NELL2: variants seen among roughly 807,000 people sequenced by gnomAD.
NELL2 encodes the protein neural EGFL like 2, also known as protein kinase C-binding protein NELL2.
In NELL2, 41 loss-of-function variants were observed where a neutral mutation model predicts 109.6. That is an observed-to-expected ratio of 0.37 (90% CI 0.29 to 0.49). The LOEUF (loss-of-function observed/expected upper bound fraction) is 0.49. Ranked by LOEUF, NELL2 falls within the 20% of genes least tolerant of loss-of-function variation. The probability of loss-of-function intolerance (pLI) is 0.98; values close to 1 mark genes in which losing one functional copy is unlikely to be tolerated. For synonymous variants in NELL2, 355 were observed against 344.7 expected, an observed-to-expected ratio of 1.03 and a Z score of -0.33; for missense variants, 900 against 1,008.3, an observed-to-expected ratio of 0.89 and a Z score of 1.45.
At chr12:44,728,196 G>A (rs1939180865) in intron 9 of NELL2, among the ~76,000 whole-genome samples, 2 of 152,064 alleles carry the variant, frequency 1.3e-5, no homozygotes, top group South Asian at 4.1e-4. Context: ...TGCTCAATGA[G>A]CTCAGGAAAC....
At chr12:44,705,465 T>C (rs920147689) in intron 11 of NELL2, among the ~76,000 whole-genome samples, 3 of 152,216 alleles carry the variant, frequency 2.0e-5, no homozygotes, top group African/African-American at 7.2e-5. Flanking sequence ...ACTGTCATGA[T>C]TAAGGCTGTA....
At chr12:44,584,832 CT>C (rs1331759690) in intron 15 of NELL2, among the ~76,000 whole-genome samples, 2 of 152,184 alleles carry the variant, frequency 1.3e-5, no homozygotes, top group Non-Finnish European at 2.9e-5. Context: ...CATTAGCTCT[CT>C]GGTAAATTTC....
chr12:44,518,057 A>G (rs973072665), intron 19 of NELL2, among the ~76,000 whole-genome samples: 3 of 152,222 alleles, frequency 2.0e-5, no homozygotes, highest in African/African-American at 7.2e-5. Flanking sequence ...GCATATTTTT[A>G]TGACTCATAT....
At chr12:44,814,106 G>A (rs1476679394) in intron 3 of NELL2, among the ~76,000 whole-genome samples, 5 of 152,174 alleles carry the variant, frequency 3.3e-5, no homozygotes, top group Admixed American at 2.0e-4. Flanking sequence ...TCACAGTTGA[G>A]GGAAACAGAC....
chr12:44,704,675 T>C (rs1937756631), intron 11 of NELL2, among the ~76,000 whole-genome samples: 1 of 152,178 alleles, frequency 6.6e-6, no homozygotes, highest in South Asian at 2.1e-4. Flanking sequence ...TGATGTATGC[T>C]ATCTATCTAG....
At chr12:44,785,061 G>A (rs1011970709) in intron 3 of NELL2, among the ~76,000 whole-genome samples, 1 of 152,156 alleles carries the variant, frequency 6.6e-6, no homozygotes, top group South Asian at 2.1e-4. Flanking sequence ...GAAATAAAGT[G>A]TATTCAAATA....
intron 3 of NELL2, among the ~76,000 whole-genome samples, chr12:44,785,460 A>C (rs538960944): frequency 8.6e-4 from 131 of 152,320 alleles, no homozygotes; most frequent in Non-Finnish European, 1.2e-3. Context: ...GCCCAAAGTA[A>C]TGTATAGATT....
At chr12:44,764,481 T>C (rs1941250522) in intron 9 of NELL2, among the ~76,000 whole-genome samples, 1 of 152,232 alleles carries the variant, frequency 6.6e-6, no homozygotes, top group African/African-American at 2.4e-5. Flanking sequence ...TATAAAATCA[T>C]ATTTCCTAAG....
At chr12:44,695,280 G>C (rs1748187779) in intron 12 of NELL2, among the ~76,000 whole-genome samples, 1 of 139,402 alleles carries the variant, frequency 7.2e-6, no homozygotes, top group Non-Finnish European at 1.5e-5. Context: ...ATCAGAGCGA[G>C]ACTCCGTCTC....
chr12:44,801,406 T>G (rs116006826), intron 3 of NELL2, among the ~76,000 whole-genome samples: 2 of 152,080 alleles, frequency 1.3e-5, no homozygotes, highest in African/African-American at 4.8e-5. Flanking sequence ...CAAACCACTA[T>G]AGAACAATAG....
intron 13 of NELL2, among the ~76,000 whole-genome samples, chr12:44,659,925 T>C (rs191677993): frequency 3.1e-4 from 47 of 152,248 alleles, no homozygotes; most frequent in African/African-American, 1.1e-3. Flanking sequence ...AGAAAGTATA[T>C]GGAGCATGCA....
chr12:44,749,391 C>T (rs1057356519), intron 9 of NELL2, among the ~76,000 whole-genome samples: 2 of 152,016 alleles, frequency 1.3e-5, no homozygotes, highest in Non-Finnish European at 2.9e-5. Context: ...TATTATTTTT[C>T]CTAATTCTAT....
intron 9 of NELL2, among the ~76,000 whole-genome samples, chr12:44,770,655 C>T (rs1046090186): frequency 1.3e-5 from 2 of 152,142 alleles, no homozygotes; most frequent in African/African-American, 4.8e-5. Context: ...TGTATTTATT[C>T]ATATAATTCT....
At chr12:44,921,805 T>C (rs1315909929) in exon 1 of NELL2, 1 of 151,708 alleles carries the variant, frequency 6.6e-6, no homozygotes, top group Non-Finnish European at 1.5e-5. Context: ...CAGAGAGTAC[T>C]TCTGCCTTTG....
At chr12:44,512,754 G>A (rs1380117798) in intron 19 of NELL2, among the ~76,000 whole-genome samples, 1 of 151,996 alleles carries the variant, frequency 6.6e-6, no homozygotes, top group Admixed American at 6.6e-5. Flanking sequence ...CTTATATGTT[G>A]GAGCTAAAAA....
At chr12:44,832,463 G>A (rs1055629493) in intron 2 of NELL2, among the ~76,000 whole-genome samples, 4 of 152,204 alleles carry the variant, frequency 2.6e-5, no homozygotes, top group Non-Finnish European at 4.4e-5. Context: ...CTTTCCAGGT[G>A]TAGGGATCAA....
intron 1 of NELL2, among the ~76,000 whole-genome samples, chr12:44,892,132 T>C (rs1945541437): frequency 6.6e-6 from 1 of 152,180 alleles, no homozygotes; most frequent in Non-Finnish European, 1.5e-5. Flanking sequence ...GAGTAGAATT[T>C]CCTTACATCT....
At chr12:44,858,768 T>C (rs1944754153) in intron 2 of NELL2, among the ~76,000 whole-genome samples, 1 of 152,106 alleles carries the variant, frequency 6.6e-6, no homozygotes, top group African/African-American at 2.4e-5. Context: ...ATGAAGTCAA[T>C]AAAAGCAATG....
chr12:44,620,731 T>C (rs559578983), intron 13 of NELL2, among the ~76,000 whole-genome samples: 1 of 152,214 alleles, frequency 6.6e-6, no homozygotes, highest in East Asian at 1.9e-4. Context: ...TGGATTCTTC[T>C]TTCTTAAAAG....
Sources: allele counts gnomAD v4.1 joint callset (sites outside exome capture counted in the v4.1 genomes callset), GRCh38; gene constraint gnomAD v4.1.1; transcripts MANE v1.5; gene names NCBI Gene and HGNC (gene_info 2026-07-23, HGNC 2026-07-21).